CADPS2: variants seen among roughly 807,000 people sequenced by gnomAD.
CADPS2 encodes the protein calcium-dependent secretion activator 2.
A neutral mutation model predicts 172.5 loss-of-function variants in CADPS2; 93 were observed. The ratio of observed to expected loss-of-function variants is 0.54; its 90% CI spans 0.46 to 0.64. The LOEUF (loss-of-function observed/expected upper bound fraction) is 0.64, where lower values mean the gene tolerates loss of function less well. Among genes scored for constraint, CADPS2 ranks in the 30% least tolerant of loss-of-function variants. The pLI, the probability that CADPS2 is intolerant of heterozygous loss-of-function variation, is 0.00. For missense variants in CADPS2, 1,420 were observed against 1,565.9 expected (o/e 0.91, Z 1.57); for synonymous variants, 546 against 555.2 (o/e 0.98, Z 0.23).
chr7:122,754,485 T>G (rs544729741), intron 1 of CADPS2, among the ~76,000 whole-genome samples: 1 of 152,278 alleles, frequency 6.6e-6, no homozygotes, highest in East Asian at 1.9e-4. Flanking sequence ...CTTTTTTCTT[T>G]TTTTCTTTTT....
At chr7:122,653,322 C>T (rs1473448813) in intron 3 of CADPS2, among the ~76,000 whole-genome samples, 5 of 152,162 alleles carry the variant, frequency 3.3e-5, no homozygotes, top group Non-Finnish European at 5.9e-5. Context: ...CAAAGCTTTT[C>T]CTGAAACATG....
At chr7:122,705,489 T>TA (rs1325162063) in intron 2 of CADPS2, among the ~76,000 whole-genome samples, 1 of 126,584 alleles carries the variant, frequency 7.9e-6, no homozygotes, top group Non-Finnish European at 1.6e-5. Flanking sequence ...TTATATTATA[T>TA]ATTATCTATA....
At chr7:122,817,668 C>A (rs1801875961) in intron 1 of CADPS2, among the ~76,000 whole-genome samples, 1 of 151,744 alleles carries the variant, frequency 6.6e-6, no homozygotes, top group Non-Finnish European at 1.5e-5. Flanking sequence ...CCAATCCCTT[C>A]TCTCCTTGTC....
chr7:122,748,732 T>A (rs2092824785), intron 1 of CADPS2, among the ~76,000 whole-genome samples: 1 of 152,170 alleles, frequency 6.6e-6, no homozygotes, highest in Admixed American at 6.6e-5. Context: ...TCATCATCTT[T>A]GTGCACCATC....
chr7:122,444,533 C>T (rs938878832), intron 15 of CADPS2, among the ~76,000 whole-genome samples: 3 of 152,120 alleles, frequency 2.0e-5, no homozygotes, highest in African/African-American at 7.2e-5. Context: ...TGGTATCTAA[C>T]TATGGTTTCA....
At chr7:122,589,920 G>T (rs1315120081) in intron 6 of CADPS2, among the ~76,000 whole-genome samples, 1 of 151,850 alleles carries the variant, frequency 6.6e-6, no homozygotes, top group Admixed American at 6.6e-5. Flanking sequence ...TAGTTTACAT[G>T]CAGTAAAATG....
At chr7:122,380,398 C>T (rs1204846720) in intron 24 of CADPS2, among the ~76,000 whole-genome samples, 1 of 151,954 alleles carries the variant, frequency 6.6e-6, no homozygotes, top group Non-Finnish European at 1.5e-5. Context: ...GTACTCAGGT[C>T]AATATAAACA....
chr7:122,327,080 T>C (rs928180782), intron 28 of CADPS2, among the ~76,000 whole-genome samples: 2 of 152,082 alleles, frequency 1.3e-5, no homozygotes, highest in African/African-American at 4.8e-5. Flanking sequence ...ATTCAGGACA[T>C]GTAAAAATTT....
intron 8 of CADPS2, among the ~76,000 whole-genome samples, chr7:122,518,322 A>G (rs2060527529): frequency 6.6e-6 from 1 of 152,142 alleles, no homozygotes; most frequent in African/African-American, 2.4e-5. Context: ...TAATAACTAC[A>G]TAATGCTGTA....
At chr7:122,842,555 A>G (rs1351464451) in intron 1 of CADPS2, among the ~76,000 whole-genome samples, 2 of 152,212 alleles carry the variant, frequency 1.3e-5, no homozygotes, top group Admixed American at 1.3e-4. Flanking sequence ...CAAGTGACCA[A>G]CAATATGATA....
At chr7:122,768,859 C>T (rs1198576450) in intron 1 of CADPS2, among the ~76,000 whole-genome samples, 2 of 151,320 alleles carry the variant, frequency 1.3e-5, no homozygotes, top group African/African-American at 4.9e-5. Context: ...AAAGAAAACA[C>T]AAATGAAGAA....
chr7:122,718,552 A>G (rs977803048), intron 2 of CADPS2, among the ~76,000 whole-genome samples: 3 of 152,128 alleles, frequency 2.0e-5, no homozygotes, highest in African/African-American at 7.2e-5. Flanking sequence ...AGCAAGTTGT[A>G]TATGGCATAT....
chr7:122,646,200 G>A (rs191695706), intron 3 of CADPS2, among the ~76,000 whole-genome samples: 6 of 152,052 alleles, frequency 3.9e-5, no homozygotes, highest in African/African-American at 1.2e-4. Context: ...GCCATGTCTC[G>A]TCCTCATCTT....
At chr7:122,661,424 T>C (rs1176701287) in intron 3 of CADPS2, among the ~76,000 whole-genome samples, 1 of 152,006 alleles carries the variant, frequency 6.6e-6, no homozygotes, top group Non-Finnish European at 1.5e-5. Context: ...CATAAACTCA[T>C]AGGAACATGG....
chr7:122,386,974 C>T (rs769707126), intron 24 of CADPS2, 52 bp downstream of exon 24: 1 of 1,528,924 alleles, frequency 6.5e-7, no homozygotes, highest in Non-Finnish European at 8.8e-7. Flanking sequence ...AGGGCATTTC[C>T]CATGCCAAGG....
At chr7:122,706,507 G>GA in intron 2 of CADPS2, among the ~76,000 whole-genome samples, 1 of 146,832 alleles carries the variant, frequency 6.8e-6, no homozygotes, top group East Asian at 2.0e-4. Context: ...AAAGAGAACT[G>GA]AAACATATTA....
chr7:122,637,434 T>C (rs1291323678), intron 3 of CADPS2, among the ~76,000 whole-genome samples: 2 of 152,208 alleles, frequency 1.3e-5, no homozygotes, highest in Middle Eastern at 3.4e-3. Flanking sequence ...CCTCCCAAAG[T>C]GCTGGGATTA....
At chr7:122,403,002 T>C (rs577969155) in intron 20 of CADPS2, among the ~76,000 whole-genome samples, 1 of 152,336 alleles carries the variant, frequency 6.6e-6, no homozygotes, top group South Asian at 2.1e-4. Flanking sequence ...ACTAAAAGAA[T>C]AGAAGTTCAA....
At chr7:122,506,801 C>G (rs1430891187) in intron 9 of CADPS2, among the ~76,000 whole-genome samples, 1 of 150,902 alleles carries the variant, frequency 6.6e-6, no homozygotes. Context: ...TCTTCAAGAT[C>G]CAGATAGATT....
Sources: gnomAD v4.1 joint callset for allele counts (sites outside exome capture counted in the v4.1 genomes callset) on GRCh38, gnomAD v4.1.1 for gene constraint, MANE v1.5 for transcripts, NCBI Gene and HGNC (gene_info 2026-07-23, HGNC 2026-07-21) for gene names.